Variants in FOXP1 observed in about 807,000 individuals in gnomAD.
FOXP1 encodes the protein forkhead box P1.
A neutral mutation model predicts 98.2 loss-of-function variants in FOXP1; 15 were observed. That is an observed-to-expected ratio of 0.15 (90% CI 0.10 to 0.24). FOXP1 has a LOEUF of 0.24. Ranked by LOEUF, FOXP1 falls within the 10% of genes least tolerant of loss-of-function variation. The probability of loss-of-function intolerance (pLI) is 1.00; values close to 1 mark genes in which losing one functional copy is unlikely to be tolerated. For synonymous variants in FOXP1, 371 were observed against 314.5 expected (o/e 1.18, Z -1.90); for missense variants, 633 against 848.5 (o/e 0.75, Z 3.15).
At chr3:71,058,213 C>A (rs1370599266) in intron 7 of FOXP1, among the ~76,000 whole-genome samples, 1 of 152,090 alleles carries the variant, frequency 6.6e-6, no homozygotes, top group Non-Finnish European at 1.5e-5. Context: ...TTATCATTTT[C>A]TTCTCTCTTC....
intron 3 of FOXP1, among the ~76,000 whole-genome samples, chr3:71,443,792 C>T (rs1165438089): frequency 6.6e-6 from 1 of 152,184 alleles, no homozygotes; most frequent in Non-Finnish European, 1.5e-5. Context: ...AGAATGGAGG[C>T]TATTTCTCAG....
intron 5 of FOXP1, among the ~76,000 whole-genome samples, chr3:71,279,172 C>CAAAAAA (rs11308828): frequency 3.2e-4 from 22 of 69,774 alleles, no homozygotes; most frequent in African/African-American, 1.0e-3. Context: ...AACTCCATCT[C>CAAAAAA]AAAAAAAAAA....
chr3:71,232,447 G>A (rs1425045202), intron 5 of FOXP1, among the ~76,000 whole-genome samples: 1 of 152,116 alleles, frequency 6.6e-6, no homozygotes, highest in Non-Finnish European at 1.5e-5. Flanking sequence ...TCACTCTACA[G>A]GACCCCTCAA....
chr3:71,331,118 G>T (rs1376753939), intron 4 of FOXP1, among the ~76,000 whole-genome samples: 2 of 152,016 alleles, frequency 1.3e-5, no homozygotes, highest in African/African-American at 4.8e-5. Flanking sequence ...CCCTCAGCTT[G>T]TGGGGAGGTG....
chr3:71,336,636 G>A (rs1215078716), intron 4 of FOXP1, among the ~76,000 whole-genome samples: 1 of 152,226 alleles, frequency 6.6e-6, no homozygotes, highest in African/African-American at 2.4e-5. Flanking sequence ...AAGAGTAGAT[G>A]AAGAATAAAA....
intron 4 of FOXP1, among the ~76,000 whole-genome samples, chr3:71,317,224 A>G (rs1300225912): frequency 6.6e-6 from 1 of 152,202 alleles, no homozygotes; most frequent in Non-Finnish European, 1.5e-5. Flanking sequence ...AGGAAAGGAA[A>G]AAAATTCCCA....
chr3:71,140,433 G>C (rs2060012945), intron 6 of FOXP1, among the ~76,000 whole-genome samples: 2 of 152,144 alleles, frequency 1.3e-5, no homozygotes, highest in South Asian at 4.1e-4. Context: ...TTCTGGTTTT[G>C]GATTTTCCTG....
At chr3:71,460,411 T>G (rs1030512471) in intron 3 of FOXP1, among the ~76,000 whole-genome samples, 2 of 151,684 alleles carry the variant, frequency 1.3e-5, no homozygotes, top group African/African-American at 4.8e-5. Flanking sequence ...CGCTAATTTT[T>G]GATTTTTTGG....
chr3:71,524,167 T>G lies in FOXP1; in HGVS notation c.-297-30612A>C, dbSNP rs181558732. ...ACAAATGTTTAAAAGAAAGAATGAATGAGCCTGGCCAACATGGCAAAACCC... is the reference window on the plus strand; with the variant it reads ...ACAAATGTTTAAAAGAAAGAATGAAGGAGCCTGGCCAACATGGCAAAACCC... On this transcript the variant is annotated intron_variant, in intron 2 of 20. Coordinates refer to ENST00000649528, the MANE Select transcript of FOXP1 (RefSeq NM_001349338.3). Among the ~76,000 whole-genome samples the G allele has an allele frequency of 3.9e-5, 6 of 152,152 alleles. No individual in the cohort carries two copies. The East Asian group carries it at 1.2e-3, about 29-fold the overall frequency.
At chr3:71,063,357 A>G (rs2051812659) in intron 7 of FOXP1, among the ~76,000 whole-genome samples, 1 of 152,264 alleles carries the variant, frequency 6.6e-6, no homozygotes, top group Admixed American at 6.5e-5. Flanking sequence ...ATTCTTTTAA[A>G]CAACAGTAAC....
chr3:71,513,631 T>C (rs550802988), intron 2 of FOXP1, among the ~76,000 whole-genome samples: 1 of 152,288 alleles, frequency 6.6e-6, no homozygotes, highest in South Asian at 2.1e-4. Context: ...TTATACAAAA[T>C]GGGTCAGGGT....
At chr3:71,571,103 C>T (rs576058831) in intron 2 of FOXP1, 1 of 152,294 alleles carries the variant, frequency 6.6e-6, no homozygotes, top group South Asian at 2.1e-4. Context: ...AAAACAAGTG[C>T]TAAACTCTAT....
At chr3:71,482,963 G>A (rs1254781614) in intron 3 of FOXP1, among the ~76,000 whole-genome samples, 5 of 151,568 alleles carry the variant, frequency 3.3e-5, no homozygotes, top group Non-Finnish European at 7.4e-5. Flanking sequence ...AGCCTCCCAT[G>A]TAGCTGGGAC....
chr3:71,158,727 C>CAAAAAAA, intron 6 of FOXP1, among the ~76,000 whole-genome samples: 1 of 113,042 alleles, frequency 8.8e-6, no homozygotes, highest in Non-Finnish European at 1.8e-5. Flanking sequence ...GCCCACAGAC[C>CAAAAAAA]AAAAAAAAAA....
intron 3 of FOXP1, among the ~76,000 whole-genome samples, chr3:71,416,200 A>C (rs1052095510): frequency 6.6e-6 from 1 of 152,186 alleles, no homozygotes; most frequent in African/African-American, 2.4e-5. Flanking sequence ...TGCCACAAAA[A>C]GCAAGTTATA....
At chr3:71,247,667 C>T (rs1422955727) in intron 5 of FOXP1, among the ~76,000 whole-genome samples, 1 of 152,228 alleles carries the variant, frequency 6.6e-6, no homozygotes, top group Non-Finnish European at 1.5e-5. Flanking sequence ...GTCTGCCCAA[C>T]ATCCATGCTC....
In FOXP1 at chr3:71,581,483, AC is replaced by A. The variant is rs1464381192; in HGVS notation, c.-298+65del. On this transcript the variant is annotated intron_variant, in intron 2 of 20. Transcript: ENST00000649528. ...CCGGCTGGCTCTTTGGGGACGGAGA[AC>A]CCCTAGTGCCGCCTGGGGCTCTCCG... 3 of 985,090 alleles carry A rather than the reference AC, an allele frequency of 3.0e-6. No homozygotes were observed. In the East Asian group the frequency reaches 3.4e-4, roughly 112 times the overall value. The allele number at this position is 985,090 out of a possible 1,614,324, so 61.0% of individuals were successfully genotyped here.
intron 6 of FOXP1, among the ~76,000 whole-genome samples, chr3:71,180,904 C>A (rs954947880): frequency 3.9e-5 from 6 of 152,104 alleles, no homozygotes; most frequent in Admixed American, 6.5e-5. Context: ...CCTTCAGTAA[C>A]GTTGCTAGTA....
At chr3:71,207,748 AT>A (rs1342092637) in intron 5 of FOXP1, among the ~76,000 whole-genome samples, 2 of 147,252 alleles carry the variant, frequency 1.4e-5, no homozygotes. Flanking sequence ...TAAAAAAAAA[AT>A]GATGATATGA....
Sources: gnomAD v4.1 joint callset for allele counts (sites outside exome capture counted in the v4.1 genomes callset) on GRCh38, gnomAD v4.1.1 for gene constraint, MANE v1.5 for transcripts, NCBI Gene and HGNC (gene_info 2026-07-23, HGNC 2026-07-21) for gene names.